ADD3: variants seen among roughly 807,000 people sequenced by gnomAD.
ADD3 encodes adducin 3, also known as gamma-adducin.
ADD3 carries 25 observed loss-of-function variants against 80.2 expected under a neutral mutation model. That is an observed-to-expected ratio of 0.31 (90% CI 0.23 to 0.44). The LOEUF (loss-of-function observed/expected upper bound fraction) is 0.44. ADD3 is among the 20% of genes least tolerant of loss of function. The pLI, the probability that ADD3 is intolerant of heterozygous loss-of-function variation, is 1.00. For synonymous variants in ADD3, 284 were observed against 289.6 expected, an observed-to-expected ratio of 0.98 and a Z score of 0.20; for missense variants, 829 against 847.5, an observed-to-expected ratio of 0.98 and a Z score of 0.27.
intron 1 of ADD3, among the ~76,000 whole-genome samples, chr10:110,020,191 A>T (rs1853507945): frequency 6.6e-6 from 1 of 152,124 alleles, no homozygotes; most frequent in Non-Finnish European, 1.5e-5. Flanking sequence ...TCATTCAACA[A>T]ATATTTATTG....
intron 1 of ADD3, chr10:109,997,703 G>A (rs970061216): frequency 6.6e-6 from 1 of 152,230 alleles, no homozygotes; most frequent in African/African-American, 2.4e-5. Context: ...GCCATGCTTT[G>A]TGGTCTTTTA....
intron 14 of ADD3, 142 bp downstream of exon 14, chr10:110,132,542 A>G: frequency 3.4e-6 from 2 of 584,336 alleles, no homozygotes; most frequent in East Asian, 2.9e-5. Context: ...ATAATTACAT[A>G]TTTTATATCA....
chr10:110,037,339 C>T (rs1855778005), intron 1 of ADD3, among the ~76,000 whole-genome samples: 1 of 152,150 alleles, frequency 6.6e-6, no homozygotes, highest in African/African-American at 2.4e-5. Context: ...GCAGGTGACT[C>T]AACGCCTATA....
At chr10:110,019,825 G>A (rs370532637) in intron 1 of ADD3, among the ~76,000 whole-genome samples, 6 of 152,160 alleles carry the variant, frequency 3.9e-5, no homozygotes, top group African/African-American at 1.4e-4. Context: ...AAGATTCTGG[G>A]AATGGGGCTA....
intron 1 of ADD3, among the ~76,000 whole-genome samples, chr10:110,055,215 G>A (rs971031207): frequency 1.3e-5 from 2 of 152,104 alleles, no homozygotes; most frequent in Non-Finnish European, 2.9e-5. Flanking sequence ...ATATTTTTTT[G>A]AACTGTTGAA....
chr10:110,128,936 G>A (rs1020023942), intron 12 of ADD3, among the ~76,000 whole-genome samples: 1 of 152,110 alleles, frequency 6.6e-6, no homozygotes, highest in African/African-American at 2.4e-5. Context: ...CACAGAGCTC[G>A]GGGATTGGTG....
At chr10:110,073,244 G>A (rs1256077679) in intron 1 of ADD3, among the ~76,000 whole-genome samples, 1 of 146,566 alleles carries the variant, frequency 6.8e-6, no homozygotes, top group Admixed American at 7.0e-5. Context: ...CCGGGTTCAT[G>A]CCATTCTCCT....
Position 110,119,560 on chromosome 10 carries a change from T to C in ADD3, c.956T>C (p.Ile319Thr). The C allele has an allele frequency of 1.2e-6, 2 of 1,611,960 alleles. No homozygotes were observed. The highest frequency in any genetic ancestry group is 8.5e-7 in the Non-Finnish European group (1 of 1,178,354). The change falls in exon 8 of 15, where the codon ATT becomes ACT. Residue 319 changes from isoleucine to threonine, a missense_variant. By Grantham distance (89) the Ile-to-Thr change is moderately conservative. Coordinates refer to ENST00000356080, the MANE Select transcript of ADD3 (RefSeq NM_016824.5). ...TTTAATGTGCAACTAGCCTGTGAGA[T>C]TCAGGTAGGAAACATTATTCCCCTT... The part of the protein sequence containing the change: ...YIFNVQLACE[I>T]QVQALAGAGG...
chr10:110,018,915 C>A (rs555920814), intron 1 of ADD3, among the ~76,000 whole-genome samples: 1 of 152,188 alleles, frequency 6.6e-6, no homozygotes, highest in South Asian at 2.1e-4. Flanking sequence ...AAAATTCCTG[C>A]TTTTATAGGA....
At chr10:110,081,717 A>T (rs2133774487) in intron 1 of ADD3, among the ~76,000 whole-genome samples, 1 of 152,284 alleles carries the variant, frequency 6.6e-6, no homozygotes, top group South Asian at 2.1e-4. Context: ...ACCTATTATG[A>T]TTTTTTAACA....
chr10:110,134,339 A>G lies in ADD3; in HGVS notation c.*721A>G, dbSNP rs979885866. On this transcript the variant is annotated 3_prime_UTR_variant, in exon 15 of 15. Transcript: ENST00000356080. The stretch of plus-strand genomic sequence containing the variant: ...TTTAGTTTAACTCTGGCAAAAAAAA[A>G]AAAAAAAATTTTGTATGTTGATGTT... 6.6e-6 allele frequency: 1 copy of G among 152,540 alleles called. No homozygotes were observed. Among genetic ancestry groups the G allele is most frequent in the Non-Finnish European group, 1.5e-5 (1 of 68,004 alleles). 9.4% of individuals were successfully genotyped at this position (152,540 alleles called of 1,614,324 possible).
intron 1 of ADD3, among the ~76,000 whole-genome samples, chr10:110,031,047 A>G (rs549198144): frequency 0.014 from 2,024 of 149,114 alleles, 40 homozygotes; most frequent in South Asian, 0.077. Flanking sequence ...AGACCGAGGC[A>G]GGTGGATCAC....
In ADD3 at chr10:110,008,281, G is replaced by C. The variant is rs897857193; in HGVS notation, c.-48G>C. 1 of 152,256 alleles carries C rather than the reference G, an allele frequency of 6.6e-6. No homozygotes were observed. Among genetic ancestry groups the C allele is most frequent in the African/African-American group, 2.4e-5 (1 of 41,452 alleles). 9.4% of individuals were successfully genotyped at this position (152,256 alleles called of 1,614,324 possible). ...GAGAAGGAGGGAGGGGAAACACAAA[G>C]CCGGCTACGCGCTGCGAGGTAATCT... On this transcript the variant is annotated 5_prime_UTR_variant, in exon 1 of 15. Transcript: ENST00000356080.
intron 2 of ADD3, among the ~76,000 whole-genome samples, chr10:110,111,880 T>C (rs941294439): frequency 1.3e-5 from 2 of 151,114 alleles, no homozygotes; most frequent in Non-Finnish European, 2.9e-5. Flanking sequence ...GCCGTTGCAC[T>C]CTAGCCTGGG....
chr10:110,083,919 C>A (rs1210484834), intron 1 of ADD3, among the ~76,000 whole-genome samples: 1 of 152,144 alleles, frequency 6.6e-6, no homozygotes, highest in African/African-American at 2.4e-5. Context: ...AAAGTAGACA[C>A]AAAATATTTA....
At chr10:110,023,660 G>A (rs768525066) in intron 1 of ADD3, among the ~76,000 whole-genome samples, 7 of 152,148 alleles carry the variant, frequency 4.6e-5, no homozygotes, top group Admixed American at 1.3e-4. Context: ...AGTCTTGAAG[G>A]TATATTTTTC....
intron 1 of ADD3, among the ~76,000 whole-genome samples, chr10:109,996,706 C>T (rs780348584): frequency 6.6e-5 from 10 of 152,162 alleles, no homozygotes; most frequent in Non-Finnish European, 1.2e-4. Flanking sequence ...AAAGTTTAGT[C>T]TGAAGGTAGA....
chr10:110,037,073 A>T (rs1855750239), intron 1 of ADD3, among the ~76,000 whole-genome samples: 1 of 152,214 alleles, frequency 6.6e-6, no homozygotes, highest in Admixed American at 6.5e-5. Flanking sequence ...TATCATAAGA[A>T]AGAAAATACT....
intron 1 of ADD3, among the ~76,000 whole-genome samples, chr10:110,068,499 C>T (rs1219461869): frequency 2.0e-5 from 3 of 152,144 alleles, no homozygotes; most frequent in African/African-American, 7.2e-5. Flanking sequence ...AAGTTTTATG[C>T]AGATACCACT....
Sources: allele counts gnomAD v4.1 joint callset (sites outside exome capture counted in the v4.1 genomes callset), GRCh38; gene constraint gnomAD v4.1.1; transcripts MANE v1.5; gene names NCBI Gene and HGNC (gene_info 2026-07-23, HGNC 2026-07-21).